Variants in STOX2 observed in about 807,000 individuals in gnomAD.
The protein encoded by STOX2 is storkhead-box protein 2.
STOX2 carries 28 observed loss-of-function variants against 60.9 expected under a neutral mutation model. The ratio of observed to expected loss-of-function variants is 0.46; its 90% CI spans 0.34 to 0.63. The LOEUF (loss-of-function observed/expected upper bound fraction) is 0.63. STOX2 is among the 30% of genes least tolerant of loss of function. STOX2 has a pLI of 0.01. For missense variants in STOX2, 1,024 were observed against 1,187.7 expected, an observed-to-expected ratio of 0.86 and a Z score of 2.03; for synonymous variants, 472 against 463.9, an observed-to-expected ratio of 1.02 and a Z score of -0.22.
intron 1 of STOX2, among the ~76,000 whole-genome samples, chr4:183,835,757 T>A (rs1373826412): frequency 6.6e-6 from 1 of 152,150 alleles, no homozygotes; most frequent in African/African-American, 2.4e-5. Context: ...TCCTGTGGGA[T>A]CTGTGAGGGG....
chr4:183,873,446 C>CAAAA (rs11453864), intron 1 of STOX2, among the ~76,000 whole-genome samples: 1 of 112,252 alleles, frequency 8.9e-6, no homozygotes, highest in Non-Finnish European at 1.8e-5. Context: ...AACTCTGTCT[C>CAAAA]AAAAAAAAAA....
intron 1 of STOX2, among the ~76,000 whole-genome samples, chr4:183,810,858 C>G (rs1182261219): frequency 1.3e-5 from 2 of 152,052 alleles, no homozygotes; most frequent in Non-Finnish European, 2.9e-5. Context: ...CATAAATTAA[C>G]CAATCTGTGG....
At chr4:183,952,751 AT>A (rs1016564175) in intron 1 of STOX2, among the ~76,000 whole-genome samples, 4 of 152,104 alleles carry the variant, frequency 2.6e-5, no homozygotes, top group African/African-American at 9.7e-5. Flanking sequence ...AAGTTGCACC[AT>A]TTTCTTTACT....
chr4:183,990,578 A>ATTT (rs57369052), intron 1 of STOX2, among the ~76,000 whole-genome samples: 1,529 of 82,324 alleles, frequency 0.019, 232 homozygotes, highest in Non-Finnish European at 0.023. Context: ...AAAAAGCAGG[A>ATTT]TTTTTTTTTT....
intron 1 of STOX2, among the ~76,000 whole-genome samples, chr4:183,957,949 A>C (rs1162463006): frequency 6.6e-6 from 1 of 151,374 alleles, no homozygotes; most frequent in Middle Eastern, 3.4e-3. Context: ...GGTATTTAGA[A>C]CCCACTATCG....
chr4:183,973,124 C>T (rs1743791076), intron 1 of STOX2, among the ~76,000 whole-genome samples: 1 of 151,894 alleles, frequency 6.6e-6, no homozygotes, highest in Non-Finnish European at 1.5e-5. Flanking sequence ...CAAAAATGTC[C>T]AACATTTGTG....
Position 183,986,136 on chromosome 4 carries a change from A to G in STOX2, c.167-15189A>G, listed in dbSNP as rs554828552. On this transcript the variant is annotated intron_variant, in intron 1 of 3. Transcript: ENST00000308497. Reference sequence around the variant, plus strand: ...ATTTGGTTAAGTATGTGGAGAAAGAAAAAAAAAACAAATACTTGAAGAAAA... The same window carrying G: ...ATTTGGTTAAGTATGTGGAGAAAGAGAAAAAAAACAAATACTTGAAGAAAA... 2.8e-4 allele frequency among the ~76,000 whole-genome samples: 42 copies of G among 152,014 alleles called. No individual in the cohort carries two copies. In the South Asian group the frequency reaches 3.3e-3, roughly 12 times the overall value.
intron 1 of STOX2, among the ~76,000 whole-genome samples, chr4:183,950,998 G>A (rs985719436): frequency 1.1e-4 from 16 of 151,826 alleles, no homozygotes; most frequent in African/African-American, 2.7e-4. Context: ...GGCGGATCAC[G>A]AGGTCAGGAG....
chr4:183,867,396 C>T (rs1165935031), intron 1 of STOX2, among the ~76,000 whole-genome samples: 3 of 152,128 alleles, frequency 2.0e-5, no homozygotes, highest in African/African-American at 4.8e-5. Flanking sequence ...GCCGAGAGCC[C>T]GAGGAGAAAG....
chr4:183,818,804 C>T lies in STOX2; in HGVS notation c.364+20749C>T, dbSNP rs544241743. 1.6e-4 allele frequency among the ~76,000 whole-genome samples: 24 copies of T among 151,106 alleles called. 2 individuals are homozygous for T. The South Asian group carries it at 3.1e-3, about 20-fold the overall frequency. ...CCTCCCAGACGGGGTGGCTGCCGGG[C>T]GGAGGGGCTCCTCACCTCCCAGACG... On this transcript the variant is annotated intron_variant, in intron 1 of 2. Transcript: ENST00000513034.
chr4:183,936,351 TTG>T (rs1396538974), intron 1 of STOX2, among the ~76,000 whole-genome samples: 1 of 152,126 alleles, frequency 6.6e-6, no homozygotes, highest in African/African-American at 2.4e-5. Context: ...TTTTCTTTGT[TTG>T]TAAGGCTGTG....
intron 1 of STOX2, among the ~76,000 whole-genome samples, chr4:183,889,426 A>G (rs1276480337): frequency 1.3e-5 from 2 of 152,194 alleles, no homozygotes; most frequent in African/African-American, 4.8e-5. Context: ...CAGCACCCCC[A>G]GAGGAAACAG....
intron 1 of STOX2, among the ~76,000 whole-genome samples, chr4:183,832,378 C>T (rs1028917616): frequency 1.3e-4 from 20 of 151,664 alleles, no homozygotes; most frequent in Non-Finnish European, 2.8e-4. Flanking sequence ...ATGCTTATCT[C>T]TGTTAGAGAA....
chr4:183,817,958 A>C (rs1739189731), intron 1 of STOX2, among the ~76,000 whole-genome samples: 1 of 152,136 alleles, frequency 6.6e-6, no homozygotes, highest in South Asian at 2.1e-4. Context: ...GCAGCAGAAC[A>C]CTTGGGTATG....
intron 1 of STOX2, among the ~76,000 whole-genome samples, chr4:183,975,926 A>G (rs998790685): frequency 6.6e-6 from 1 of 152,236 alleles, no homozygotes; most frequent in African/African-American, 2.4e-5. Context: ...TCCTTCACAA[A>G]ATATTAGTAC....
chr4:183,926,394 T>C (rs1412294079), intron 1 of STOX2, among the ~76,000 whole-genome samples: 5 of 152,208 alleles, frequency 3.3e-5, no homozygotes, highest in African/African-American at 1.2e-4. Context: ...TGTTTTCCAC[T>C]TATTGAGGCC....
chr4:183,948,540 C>CTTTTTTTTTTTTTT (rs10687778), intron 1 of STOX2, among the ~76,000 whole-genome samples: 2 of 78,180 alleles, frequency 2.6e-5, no homozygotes, highest in Non-Finnish European at 4.6e-5. Context: ...ATGCCTTATC[C>CTTTTTTTTTTTTTT]TTTTTTTTTT....
At chr4:183,828,138 A>T (rs140196391) in intron 1 of STOX2, among the ~76,000 whole-genome samples, 2 of 152,338 alleles carry the variant, frequency 1.3e-5, no homozygotes, top group East Asian at 3.9e-4. Flanking sequence ...TACTTGTTGC[A>T]CTTTATTCAG....
intron 1 of STOX2, among the ~76,000 whole-genome samples, chr4:183,920,298 T>G (rs1742065930): frequency 6.6e-6 from 1 of 151,836 alleles, no homozygotes; most frequent in Non-Finnish European, 1.5e-5. Flanking sequence ...TTAGTAGAGA[T>G]GATTTCACCA....
Sources: gnomAD v4.1 joint callset for allele counts (sites outside exome capture counted in the v4.1 genomes callset) on GRCh38, gnomAD v4.1.1 for gene constraint, MANE v1.5 for transcripts, NCBI Gene and HGNC (gene_info 2026-07-23, HGNC 2026-07-21) for gene names.